The following ABI2 variants were observed in gnomAD, a reference collection of about 807,000 sequenced individuals.
ABI2 encodes the protein abl interactor 2, also known as abelson interactor 2.
Under a neutral mutation model 59.2 loss-of-function variants are expected in ABI2, and 25 were observed. That is an observed-to-expected ratio of 0.42 (90% CI 0.31 to 0.59). The LOEUF is 0.59. Among genes scored for constraint, ABI2 ranks in the 20% least tolerant of loss-of-function variants. The pLI, the probability that ABI2 is intolerant of heterozygous loss-of-function variation, is 0.14. For missense variants in ABI2, 545 were observed against 681.8 expected (o/e 0.80, Z 2.23); for synonymous variants, 213 against 235.5 (o/e 0.90, Z 0.87).
intron 1 of ABI2, among the ~76,000 whole-genome samples, chr2:203,363,194 A>G (rs1268520906): frequency 6.6e-6 from 1 of 152,070 alleles, no homozygotes; most frequent in East Asian, 1.9e-4. Context: ...AGGTGTATAT[A>G]TTTATGGGTT....
chr2:203,380,332 T>G lies in ABI2; in HGVS notation c.410T>G (p.Ile137Ser). Residue 137 changes from isoleucine to serine, a missense_variant, in exon 3 of 12, where the codon ATT (isoleucine) becomes AGT (serine). Ile to Ser is a moderately radical substitution (Grantham distance 142). Transcript: ENST00000261018. ...AACCTTGAACGACCAGTTCGTTATATTAGAAAACCTATTGACTATACAATT... is the reference window on the plus strand; with the variant it reads ...AACCTTGAACGACCAGTTCGTTATAGTAGAAAACCTATTGACTATACAATT... ...PANLERPVRY[I>S]RKPIDYTILD... The G allele has an allele frequency of 6.2e-7, 1 of 1,606,176 alleles. No homozygotes were observed. Among genetic ancestry groups the G allele is most frequent in the Non-Finnish European group, 8.5e-7 (1 of 1,177,188 alleles).
Position 203,377,656 on chromosome 2 carries a change from A to G in ABI2, c.286-2552A>G, listed in dbSNP as rs1317070800. On this transcript the variant is annotated intron_variant, in intron 2 of 11. Transcript: ENST00000261018. ...TACATTGGCTTACTCCTGTAATCCC[A>G]GCACTTTGGGAGGCCAAGGTGGGTG... 3.9e-5 allele frequency among the ~76,000 whole-genome samples: 6 copies of G among 152,340 alleles called. No homozygotes were observed. The South Asian group carries it at 8.3e-4, about 21-fold the overall frequency.
rs147540732 is a variant in ABI2, at chr2:203,427,343, T to C, written c.1620T>C (p.Tyr540=). 1.4e-4 allele frequency: 232 copies of C among 1,613,768 alleles called. No homozygotes were observed. The highest frequency in any genetic ancestry group is 3.3e-4 in the Middle Eastern group (2 of 6,058). Residue 540 remains tyrosine, a synonymous_variant, in exon 12 of 12, where the codon TAT becomes TAC. Transcript: ENST00000261018. ...ATTACGTTGAGTCTATCATGCATTA[T>C]TCTGAGTAAAGCTCAGCAGGGCTGT... ...PGNYVESIMH[Y]SE
chr2:203,358,198 A>G (rs561183740), intron 1 of ABI2, among the ~76,000 whole-genome samples: 2 of 150,106 alleles, frequency 1.3e-5, no homozygotes, highest in South Asian at 2.1e-4. Context: ...AGCTCGCTAT[A>G]TCTTCACTGC....
chr2:203,422,492 C>T lies in ABI2; in HGVS notation c.1454-4685C>T, dbSNP rs181188016. On this transcript the variant is annotated intron_variant, in intron 11 of 11. Transcript: ENST00000261018. ...TGGAATTAACAGGACTTGGGGATGT[C>T]GGGGAAGGTGAGTGAGGGGAAGGCA... 2.0e-3 allele frequency among the ~76,000 whole-genome samples: 302 copies of T among 152,060 alleles called. 2 individuals carry two copies. Among genetic ancestry groups the T allele is most frequent in the African/African-American group, 6.8e-3 (280 of 41,470 alleles).
At chr2:203,385,456 G>T (rs2096462786) in intron 4 of ABI2, among the ~76,000 whole-genome samples, 2 of 152,086 alleles carry the variant, frequency 1.3e-5, no homozygotes, top group Non-Finnish European at 2.9e-5. Flanking sequence ...AATGAGCAGG[G>T]CTTAAGAGTT....
At position 203,430,190 on chromosome 2, in the gene ABI2, T is replaced by C. The variant is rs914144392; in HGVS notation, c.*2838T>C. The C allele has an allele frequency of 1.3e-5, 2 of 152,188 alleles. No homozygotes were observed. The highest frequency in any genetic ancestry group is 2.4e-5 in the African/African-American group (1 of 41,434). 9.4% of individuals were successfully genotyped at this position (152,188 alleles called of 1,614,324 possible). The stretch of plus-strand genomic sequence containing the variant: ...TGTGAGGGTAGTATTTTTTGTTTTA[T>C]TGTAAGTTTCCCTCTTTTTTTATAA... On this transcript the variant is annotated 3_prime_UTR_variant, in exon 12 of 12. Coordinates refer to ENST00000261018, the MANE Select transcript of ABI2 (RefSeq NM_001375670.1).
chr2:203,430,899 CT>C lies in ABI2; in HGVS notation c.*3551del, dbSNP rs1417120186. On this transcript the variant is annotated 3_prime_UTR_variant, in exon 12 of 12. Coordinates refer to ENST00000261018, the MANE Select transcript of ABI2 (RefSeq NM_001375670.1). ...GAGGCATCAAAATGATGGTAGTTTGCTTTTATCTTTTTATGTTCATTTTCTT... is the reference window on the plus strand; with the variant it reads ...GAGGCATCAAAATGATGGTAGTTTGCTTTATCTTTTTATGTTCATTTTCTT... The C allele has an allele frequency of 1.3e-5, 2 of 152,246 alleles. No homozygotes were observed. Among genetic ancestry groups the C allele is most frequent in the East Asian group, 3.9e-4 (2 of 5,188 alleles). 9.4% of individuals were successfully genotyped at this position (152,246 alleles called of 1,614,324 possible). A position where few individuals can be genotyped will look rare whatever the true frequency, so the allele number is the denominator to read the frequency against.
intron 1 of ABI2, among the ~76,000 whole-genome samples, chr2:203,346,784 C>T (rs538305439): frequency 6.6e-6 from 1 of 152,098 alleles, no homozygotes; most frequent in African/African-American, 2.4e-5. Flanking sequence ...AAATAATAAC[C>T]TGTGGCCAAA....
At chr2:203,340,272 A>G (rs1278923194) in intron 1 of ABI2, among the ~76,000 whole-genome samples, 1 of 152,252 alleles carries the variant, frequency 6.6e-6, no homozygotes, top group African/African-American at 2.4e-5. Flanking sequence ...ACAGGGCACA[A>G]ACTTGTAGTT....
rs1315879608 is a variant in ABI2, at chr2:203,428,995, G to A, written c.*1643G>A. 1.3e-5 allele frequency: 2 copies of A among 152,248 alleles called. No homozygotes were observed. Among genetic ancestry groups the A allele is most frequent in the Non-Finnish European group, 2.9e-5 (2 of 68,052 alleles). 9.4% of individuals were successfully genotyped at this position (152,248 alleles called of 1,614,324 possible). ...GAAAATTCAGATGGTGTCGGATGCA[G>A]AAGTTAATATTCCACTTAATGTTAT... On this transcript the variant is annotated 3_prime_UTR_variant, in exon 12 of 12. Transcript: ENST00000261018.
At chr2:203,412,720 A>G (rs2097728301) in intron 10 of ABI2, among the ~76,000 whole-genome samples, 1 of 152,192 alleles carries the variant, frequency 6.6e-6, no homozygotes, top group Admixed American at 6.5e-5. Flanking sequence ...AGCAACATTC[A>G]ACTATTAATA....
At chr2:203,397,239 G>A (rs776704366) in intron 8 of ABI2, among the ~76,000 whole-genome samples, 31 of 151,936 alleles carry the variant, frequency 2.0e-4, no homozygotes, top group Admixed American at 2.6e-4. Context: ...AGTTTAATAT[G>A]GAGCTACCTT....
At chr2:203,389,950 G>T (rs1305048995) in intron 4 of ABI2, among the ~76,000 whole-genome samples, 2 of 152,188 alleles carry the variant, frequency 1.3e-5, no homozygotes, top group African/African-American at 2.4e-5. Context: ...TTACGGTCCA[G>T]CTCTGACTTA....
At chr2:203,332,930 A>T (rs544376247) in intron 1 of ABI2, among the ~76,000 whole-genome samples, 2 of 152,202 alleles carry the variant, frequency 1.3e-5, no homozygotes, top group South Asian at 4.1e-4. Context: ...GAATCATCCC[A>T]TAATATGGAT....
At chr2:203,354,982 G>A (rs942642225) in intron 1 of ABI2, among the ~76,000 whole-genome samples, 6 of 152,192 alleles carry the variant, frequency 3.9e-5, no homozygotes, top group Admixed American at 3.9e-4. Flanking sequence ...CTCCCCACAA[G>A]AAGACATAAG....
At chr2:203,359,455 C>A (rs1188766661) in intron 1 of ABI2, among the ~76,000 whole-genome samples, 3 of 152,032 alleles carry the variant, frequency 2.0e-5, no homozygotes, top group Non-Finnish European at 4.4e-5. Flanking sequence ...GTGAAAAAAT[C>A]AATATTTTTA....
At chr2:203,427,053 T>C in intron 11 of ABI2, 124 bp from the exon 12 acceptor site, 1 of 771,932 alleles carries the variant, frequency 1.3e-6, no homozygotes, top group Non-Finnish European at 2.1e-6. Context: ...TTGGTTGGTG[T>C]TTAGAAAGTC....
chr2:203,338,982 A>G (rs2078161900), intron 1 of ABI2, among the ~76,000 whole-genome samples: 2 of 10,904 alleles, frequency 1.8e-4, no homozygotes, highest in Admixed American at 2.7e-3. Context: ...ATATATATAT[A>G]AATATATATA....
Sources: gnomAD v4.1 joint callset for allele counts (sites outside exome capture counted in the v4.1 genomes callset) on GRCh38, gnomAD v4.1.1 for gene constraint, MANE v1.5 for transcripts, NCBI Gene and HGNC (gene_info 2026-07-23, HGNC 2026-07-21) for gene names.